PCDHA11: variants seen among roughly 807,000 people sequenced by gnomAD.
PCDHA11 encodes protocadherin alpha 11, also known as protocadherin alpha-11.
A neutral mutation model predicts 70.3 loss-of-function variants in PCDHA11; 61 were observed. That is an observed-to-expected ratio of 0.87 (90% CI 0.71 to 1.07). PCDHA11 has a LOEUF of 1.07. PCDHA11 is among the 50% of genes least tolerant of loss of function. The pLI is 0.00. For synonymous variants in PCDHA11, 633 were observed against 555.1 expected (o/e 1.14, Z -1.97); for missense variants, 1,324 against 1,237.5 (o/e 1.07, Z -1.05).
chr5:140,929,352 C>T (rs782815841), intron 1 of PCDHA11: 8 of 1,526,758 alleles, frequency 5.2e-6, no homozygotes, highest in Admixed American at 2.1e-5. Flanking sequence ...GAATTTGATT[C>T]CTTTGGCCCG....
In PCDHA11 at chr5:140,876,738, G is replaced by A. The variant is rs782179304; in HGVS notation, c.2391+5244G>A. 3.1e-6 allele frequency: 5 copies of A among 1,614,264 alleles called. No individual in the cohort carries two copies. In the Admixed American group the frequency reaches 5.0e-5, roughly 16 times the overall value. ...ACCGCGAGAGCGTGTCGGCCTATGA[G>A]CTGGTGGTGACTGCGCGGGATGGGG... On this transcript the variant is annotated intron_variant, in intron 1 of 3. Coordinates refer to ENST00000398640, the MANE Select transcript of PCDHA11 (RefSeq NM_018902.5).
chr5:140,879,869 T>C lies in PCDHA11; in HGVS notation c.2391+8375T>C, dbSNP rs782705975. Among the ~76,000 whole-genome samples, 13 of 152,220 alleles carry C rather than the reference T, an allele frequency of 8.5e-5. 1 individual carries two copies. The highest frequency in any genetic ancestry group is 1.5e-4 in the Non-Finnish European group (10 of 68,042). ...CCCATCTCAGCCTTCTCAGCTTTCA[T>C]GGTCACATTGCCTCCTCCTCTCCAT... On this transcript the variant is annotated intron_variant, in intron 1 of 3. Coordinates refer to ENST00000398640, the MANE Select transcript of PCDHA11 (RefSeq NM_018902.5).
Position 140,886,556 on chromosome 5 carries a change from G to A in PCDHA11, c.2391+15062G>A, listed in dbSNP as rs368447778. On this transcript the variant is annotated intron_variant, in intron 1 of 3. Coordinates refer to ENST00000398640, the MANE Select transcript of PCDHA11 (RefSeq NM_018902.5). ...TAGAAAGGTCTTCCCAGCTGGGCACGGTGGCTCACGCCTGTAATCCCAGCA... is the reference window on the plus strand; with the variant it reads ...TAGAAAGGTCTTCCCAGCTGGGCACAGTGGCTCACGCCTGTAATCCCAGCA... Among the ~76,000 whole-genome samples, 30 of 151,832 alleles carry A rather than the reference G, an allele frequency of 2.0e-4. No individual in the cohort carries two copies. The East Asian group carries it at 5.5e-3, about 28-fold the overall frequency.
At chr5:140,879,910 T>C (rs2058174335) in intron 1 of PCDHA11, among the ~76,000 whole-genome samples, 1 of 152,194 alleles carries the variant, frequency 6.6e-6, no homozygotes, top group Non-Finnish European at 1.5e-5. Context: ...TCTCTATGTG[T>C]TGGTTTTACA....
intron 1 of PCDHA11, among the ~76,000 whole-genome samples, chr5:140,939,041 T>G (rs2092303651): frequency 6.6e-6 from 1 of 152,222 alleles, no homozygotes; most frequent in Admixed American, 6.5e-5. Context: ...AAGAGTTGTC[T>G]TAGTCCATTT....
At chr5:140,966,989 G>C (rs879989091) in intron 1 of PCDHA11, 7 of 1,604,030 alleles carry the variant, frequency 4.4e-6, no homozygotes, top group Non-Finnish European at 5.1e-6. Context: ...CTTGGGGCCG[G>C]GTTGCTTGCG....
chr5:140,937,838 G>A (rs757526914), intron 1 of PCDHA11, among the ~76,000 whole-genome samples: 3 of 150,986 alleles, frequency 2.0e-5, no homozygotes, highest in Non-Finnish European at 2.9e-5. Context: ...CATGAACCTG[G>A]AAGGCGGAAC....
At chr5:140,995,571 T>A (rs2097689586) in intron 3 of PCDHA11, among the ~76,000 whole-genome samples, 1 of 152,252 alleles carries the variant, frequency 6.6e-6, no homozygotes, top group Admixed American at 6.5e-5. Flanking sequence ...TATGTCAAGA[T>A]GAGCTATGAG....
intron 1 of PCDHA11, among the ~76,000 whole-genome samples, chr5:140,901,420 C>G (rs2153473414): frequency 6.6e-6 from 1 of 152,248 alleles, no homozygotes; most frequent in East Asian, 1.9e-4. Context: ...TAGTTTCATT[C>G]CTCTGCATAT....
At chr5:140,934,660 C>T (rs139449604) in intron 1 of PCDHA11, among the ~76,000 whole-genome samples, 2 of 152,152 alleles carry the variant, frequency 1.3e-5, no homozygotes, top group African/African-American at 2.4e-5. Flanking sequence ...TGATTCTTCC[C>T]CTTTGTTTAG....
intron 1 of PCDHA11, among the ~76,000 whole-genome samples, chr5:140,977,739 T>C (rs1198089748): frequency 1.3e-5 from 2 of 152,206 alleles, no homozygotes; most frequent in South Asian, 2.1e-4. Context: ...CTGGGTGTTA[T>C]GAAGAAATGT....
intron 1 of PCDHA11, among the ~76,000 whole-genome samples, chr5:140,975,053 A>G (rs2096651589): frequency 1.3e-5 from 2 of 152,144 alleles, no homozygotes; most frequent in Admixed American, 6.5e-5. Flanking sequence ...GGAAGAATCT[A>G]CTATCGAGCT....
chr5:140,969,343 G>A (rs2096321775), intron 1 of PCDHA11: 23 of 1,613,728 alleles, frequency 1.4e-5, no homozygotes, highest in Non-Finnish European at 1.9e-5. Flanking sequence ...TGAGACAGTG[G>A]TCAGGGGGTC....
At chr5:140,927,475 C>A in intron 1 of PCDHA11, 1 of 1,614,110 alleles carries the variant, frequency 6.2e-7, no homozygotes, top group Non-Finnish European at 8.5e-7. Flanking sequence ...GGATCGCGAA[C>A]AGCGCGCCAC....
At chr5:140,997,456 C>T (rs2097770717) in intron 3 of PCDHA11, among the ~76,000 whole-genome samples, 1 of 152,146 alleles carries the variant, frequency 6.6e-6, no homozygotes, top group African/African-American at 2.4e-5. Context: ...ATACTGAATA[C>T]TGTAGGCAAT....
intron 1 of PCDHA11, chr5:140,929,053 T>C (rs781847457): frequency 6.2e-7 from 1 of 1,614,182 alleles, no homozygotes; most frequent in Non-Finnish European, 8.5e-7. Flanking sequence ...CTGCTGTCGC[T>C]CTACAGAGGA....
At chr5:140,957,255 T>C (rs577479092) in intron 1 of PCDHA11, among the ~76,000 whole-genome samples, 88 of 152,306 alleles carry the variant, frequency 5.8e-4, no homozygotes, top group Non-Finnish European at 1.0e-3. Flanking sequence ...AAAATTTAAA[T>C]ATGTAAGCAC....
chr5:140,982,499 C>T lies in PCDHA11; in HGVS notation c.2475C>T (p.Gly825=). The T allele has an allele frequency of 6.2e-7, 1 of 1,614,184 alleles. No individual in the cohort carries two copies. The highest frequency in any genetic ancestry group is 8.5e-7 in the Non-Finnish European group (1 of 1,180,024). The part of the protein sequence containing the change: ...MHSSVHLEEA[G]ILRAGPGGPD... Reference sequence around the variant, plus strand: ...GCTCTGTGCACCTAGAGGAGGCTGGCATTCTACGGGCTGGTCCAGGAGGGC... The same window carrying T: ...GCTCTGTGCACCTAGAGGAGGCTGGTATTCTACGGGCTGGTCCAGGAGGGC... The change falls in exon 3 of 4, where the codon GGC becomes GGT. Residue 825 remains glycine (G), a synonymous_variant. Transcript: ENST00000398640.
chr5:140,878,378 G>T (rs1449332570), intron 1 of PCDHA11, among the ~76,000 whole-genome samples: 3 of 152,178 alleles, frequency 2.0e-5, no homozygotes, highest in African/African-American at 7.2e-5. Flanking sequence ...TATGATGAAT[G>T]ATTTTCTTCA....
Sources: allele counts gnomAD v4.1 joint callset (sites outside exome capture counted in the v4.1 genomes callset), GRCh38; gene constraint gnomAD v4.1.1; transcripts MANE v1.5; gene names NCBI Gene and HGNC (gene_info 2026-07-23, HGNC 2026-07-21).